Variants in CCL26 observed in about 807,000 individuals in gnomAD.
CCL26 encodes C-C motif chemokine 26.
In CCL26, 10 loss-of-function variants were observed where a neutral mutation model predicts 10.7. The ratio of observed to expected loss-of-function variants is 0.93; its 90% CI spans 0.57 to 1.58. The LOEUF is 1.58. Ranked by LOEUF, CCL26 falls within the 40% of genes most tolerant of loss-of-function variation. The pLI, the probability that CCL26 is intolerant of heterozygous loss-of-function variation, is 0.00. For synonymous variants in CCL26, 43 were observed against 41.4 expected (o/e 1.04, Z -0.15); for missense variants, 116 against 111.0 (o/e 1.05, Z -0.20).
At chr7:75,786,773 C>G (rs1323580155) in intron 1 of CCL26, among the ~76,000 whole-genome samples, 1 of 152,212 alleles carries the variant, frequency 6.6e-6, no homozygotes, top group Non-Finnish European at 1.5e-5. Context: ...TTTTCCCACA[C>G]AAGACAAATG....
At chr7:75,769,813 G>A in intron 2 of CCL26, 24 bp from the exon 3 acceptor site, 1 of 1,442,138 alleles carries the variant, frequency 6.9e-7, no homozygotes, top group East Asian at 2.3e-5. Context: ...ACACGGATAA[G>A]TCAATATTGA....
upstream of CCL26, among the ~76,000 whole-genome samples, chr7:75,790,119 T>G (rs960796012): frequency 6.7e-6 from 1 of 149,678 alleles, no homozygotes; most frequent in Admixed American, 6.7e-5. Flanking sequence ...CTCTTTCTTT[T>G]TCTTTCTTTC....
chr7:75,777,179 C>T (rs1802960296), upstream of CCL26, among the ~76,000 whole-genome samples: 2 of 152,052 alleles, frequency 1.3e-5, no homozygotes, highest in African/African-American at 2.4e-5. Context: ...TTGCAGTGAG[C>T]CGAGATTGCA....
upstream of CCL26, among the ~76,000 whole-genome samples, chr7:75,774,638 G>C (rs1172300909): frequency 6.6e-6 from 1 of 151,796 alleles, no homozygotes; most frequent in African/African-American, 2.4e-5. Context: ...TAGAGACAGG[G>C]TTTCACTATG....
intron 1 of CCL26, among the ~76,000 whole-genome samples, chr7:75,786,387 A>G (rs1237434458): frequency 6.6e-6 from 1 of 152,046 alleles, no homozygotes; most frequent in South Asian, 2.1e-4. Flanking sequence ...GCCTCCCTCC[A>G]CTACCTCTCA....
chr7:75,770,299 A>G lies in CCL26; in HGVS notation c.189-510T>C, dbSNP rs147070207. On this transcript the variant is annotated intron_variant, in intron 2 of 2. Coordinates refer to ENST00000005180, the MANE Select transcript of CCL26 (RefSeq NM_001371938.1). ...TGGCCAGGGTGGTCTCGAACTCCTG[A>G]CCTCAGGTGATCCGCCTGTGTTGGC... 7.6e-3 allele frequency among the ~76,000 whole-genome samples: 1,150 copies of G among 152,158 alleles called. 17 individuals carry two copies. Among genetic ancestry groups the G allele is most frequent in the African/African-American group, 0.026 (1,080 of 41,504 alleles).
chr7:75,789,156 G>A (rs1554530424), intron 1 of CCL26, among the ~76,000 whole-genome samples: 11 of 148,278 alleles, frequency 7.4e-5, no homozygotes. Flanking sequence ...TGTTGCCCAG[G>A]CTGGTCTCAA....
At chr7:75,784,146 T>C (rs2115685327) in intron 1 of CCL26, among the ~76,000 whole-genome samples, 1 of 152,298 alleles carries the variant, frequency 6.6e-6, no homozygotes, top group Non-Finnish European at 1.5e-5. Context: ...TCCAAACGCC[T>C]GAACCGCAGC....
intron 1 of CCL26, among the ~76,000 whole-genome samples, chr7:75,784,172 C>A (rs1803129916): frequency 6.6e-6 from 1 of 152,206 alleles, no homozygotes; most frequent in African/African-American, 2.4e-5. Flanking sequence ...GGGGTTCCTC[C>A]AGAACCTCCT....
In CCL26 at chr7:75,785,487, G is replaced by C. The variant is rs545547203; in HGVS notation, c.-79+4230C>G. Reference sequence around the variant, plus strand: ...AAGGATATCAGGTATCCCCCACAAAGCTCCAATTTCTTCTCCATCCATTAC... The same window carrying C: ...AAGGATATCAGGTATCCCCCACAAACCTCCAATTTCTTCTCCATCCATTAC... On this transcript the variant is annotated intron_variant, in intron 1 of 3. Transcript: ENST00000394905. Among the ~76,000 whole-genome samples, 371 of 152,132 alleles carry C rather than the reference G, an allele frequency of 2.4e-3. 2 individuals carry two copies. Among genetic ancestry groups the C allele is most frequent in the African/African-American group, 8.2e-3 (340 of 41,488 alleles).
upstream of CCL26, among the ~76,000 whole-genome samples, chr7:75,772,666 A>C (rs4285428): frequency 0.015 from 1,571 of 105,886 alleles, 19 homozygotes; most frequent in Non-Finnish European, 0.025. Flanking sequence ...AAAAAAAAAA[A>C]AACAAACAAA....
At chr7:75,776,496 G>C (rs1200518333), upstream of CCL26, among the ~76,000 whole-genome samples, 1 of 148,394 alleles carries the variant, frequency 6.7e-6, no homozygotes, top group South Asian at 2.1e-4. Flanking sequence ...AGCTACGATT[G>C]CATCACTGCA....
chr7:75,781,861 C>T (rs1408203030), intron 1 of CCL26, among the ~76,000 whole-genome samples: 1 of 152,174 alleles, frequency 6.6e-6, no homozygotes, highest in African/African-American at 2.4e-5. Flanking sequence ...AGCCCACCTG[C>T]ACCCAGGTGA....
rs182370056 is a variant in CCL26, at chr7:75,769,583, C to T, written c.*110G>A. The T allele has an allele frequency of 4.4e-4, 279 of 633,442 alleles. No individual in the cohort carries two copies. The African/African-American group carries it at 4.8e-3, about 11-fold the overall frequency. 39.2% of individuals were successfully genotyped at this position (633,442 alleles called of 1,614,324 possible). A position where few individuals can be genotyped will look rare whatever the true frequency, so the allele number is the denominator to read the frequency against. On this transcript the variant is annotated 3_prime_UTR_variant, in exon 3 of 3. Coordinates refer to ENST00000005180, the MANE Select transcript of CCL26 (RefSeq NM_001371938.1). ...AAGTAACTCTGGGAGGAAACACCCT[C>T]TCCTCCCCAGCGGGTCCATGTAGCC...
At chr7:75,775,508 T>C (rs147027259), upstream of CCL26, among the ~76,000 whole-genome samples, 1 of 152,096 alleles carries the variant, frequency 6.6e-6, no homozygotes, top group Non-Finnish European at 1.5e-5. Context: ...CAAGGGGAGT[T>C]ATTAAGCAGG....
intron 1 of CCL26, among the ~76,000 whole-genome samples, chr7:75,788,079 C>A (rs926828503): frequency 1.3e-5 from 2 of 152,046 alleles, no homozygotes; most frequent in Admixed American, 6.6e-5. Context: ...CATTATCTCT[C>A]CATACCACCC....
intron 1 of CCL26, among the ~76,000 whole-genome samples, chr7:75,778,848 TGGGGG>T (rs1554529061): frequency 6.7e-6 from 1 of 149,142 alleles, no homozygotes; most frequent in South Asian, 2.1e-4. Flanking sequence ...GAGGCCAAGG[TGGGGG>T]GGGCAGATCA....
intron 1 of CCL26, among the ~76,000 whole-genome samples, chr7:75,786,426 G>T (rs547076955): frequency 6.6e-6 from 1 of 152,232 alleles, no homozygotes; most frequent in East Asian, 1.9e-4. Flanking sequence ...CTTAACTCGG[G>T]CCCTCACTCT....
upstream of CCL26, among the ~76,000 whole-genome samples, chr7:75,773,889 A>G (rs961791105): frequency 6.6e-6 from 1 of 152,082 alleles, no homozygotes; most frequent in Non-Finnish European, 1.5e-5. Context: ...GTCACAAAAA[A>G]AAAGAAATTT....
Sources: allele counts gnomAD v4.1 joint callset (sites outside exome capture counted in the v4.1 genomes callset), GRCh38; gene constraint gnomAD v4.1.1; transcripts MANE v1.5; gene names NCBI Gene and HGNC (gene_info 2026-07-23, HGNC 2026-07-21).